Variants in SCGN observed in about 807,000 individuals in gnomAD.
SCGN encodes secretagogin.
A neutral mutation model predicts 39.7 loss-of-function variants in SCGN; 30 were observed. That is an observed-to-expected ratio of 0.76 (90% confidence interval 0.57 to 1.03). The LOEUF is 1.03. Ranked by LOEUF, SCGN falls within the 50% of genes least tolerant of loss-of-function variation. The probability of loss-of-function intolerance (pLI) is 0.00; values close to 1 mark genes in which losing one functional copy is unlikely to be tolerated. For synonymous variants in SCGN, 106 were observed against 114.1 expected, an observed-to-expected ratio of 0.93 and a Z score of 0.45; for missense variants, 353 against 349.4, an observed-to-expected ratio of 1.01 and a Z score of -0.08.
chr6:25,678,916 C>T (rs925202971), intron 6 of SCGN: 3 of 153,618 alleles, frequency 2.0e-5, no homozygotes, highest in East Asian at 1.9e-4. Flanking sequence ...GGTGCATCAT[C>T]TGGCAGCTTG....
Position 25,661,533 on chromosome 6 carries a change from T to C in SCGN, c.154-19T>C. The C allele has an allele frequency of 6.3e-7, 1 of 1,582,420 alleles. No individual in the cohort carries two copies. Among genetic ancestry groups the C allele is most frequent in the Non-Finnish European group, 8.7e-7 (1 of 1,151,794 alleles). On this transcript the variant is annotated intron_variant, in intron 2 of 10. Coordinates refer to ENST00000377961, the MANE Select transcript of SCGN (RefSeq NM_006998.4). ...GAGATTCCAGTGGCTTTAATGTGGC[T>C]CTGTTTGGTCAATTGCAGGACACGG...
At chr6:25,674,497 T>C (rs13217586) in intron 6 of SCGN, among the ~76,000 whole-genome samples, 22,502 of 152,250 alleles carry the variant, frequency 0.15, 2,309 homozygotes, top group East Asian at 0.44. Context: ...TGAGCTCTCA[T>C]ACACCAAGCG....
At chr6:25,655,658 G>C (rs1001238355) in intron 2 of SCGN, among the ~76,000 whole-genome samples, 1 of 143,546 alleles carries the variant, frequency 7.0e-6, no homozygotes. Context: ...GTATGCCTGA[G>C]AATTATATTT....
At chr6:25,668,018 G>A (rs1759416653) in intron 4 of SCGN, among the ~76,000 whole-genome samples, 1 of 152,164 alleles carries the variant, frequency 6.6e-6, no homozygotes, top group Non-Finnish European at 1.5e-5. Context: ...TAAATGACAG[G>A]TTCTGGAAGG....
chr6:25,684,708 G>C (rs112047343), intron 7 of SCGN, among the ~76,000 whole-genome samples: 1 of 152,092 alleles, frequency 6.6e-6, no homozygotes. Context: ...TCTTCAAGAG[G>C]CTCAGGCAGG....
At chr6:25,662,335 A>G (rs2151377764) in intron 3 of SCGN, among the ~76,000 whole-genome samples, 1 of 152,310 alleles carries the variant, frequency 6.6e-6, no homozygotes, top group South Asian at 2.1e-4. Flanking sequence ...GCTGATAAGG[A>G]CTTGAGTTAC....
intron 6 of SCGN, among the ~76,000 whole-genome samples, chr6:25,677,901 T>TA (rs1463344077): frequency 6.6e-6 from 1 of 152,232 alleles, no homozygotes; most frequent in Non-Finnish European, 1.5e-5. Flanking sequence ...ATCTATTGTT[T>TA]AAGAAAATAT....
chr6:25,676,859 A>G (rs549241953), intron 6 of SCGN, among the ~76,000 whole-genome samples: 12 of 152,348 alleles, frequency 7.9e-5, no homozygotes, highest in Admixed American at 6.5e-4. Context: ...TGCCTGCCAC[A>G]TAGTAGGCAC....
rs1005433638 is a variant in SCGN at position 25,652,313 on chromosome 6, A to C, written c.-91A>C. 1 of 966,334 alleles carries C rather than the reference A, an allele frequency of 1.0e-6. No homozygotes were observed. Among genetic ancestry groups the C allele is most frequent in the African/African-American group, 1.6e-5 (1 of 61,714 alleles). The allele number at this position is 966,334 out of a possible 1,614,324, so 59.9% of individuals were successfully genotyped here. The stretch of plus-strand genomic sequence containing the variant: ...AAGCTAATCAGATAGCGAAAGAAGC[A>C]GGAGAGCAAGTCAAGAAATACGGTG... On this transcript the variant is annotated 5_prime_UTR_variant, in exon 1 of 11. Transcript: ENST00000377961.
intron 7 of SCGN, among the ~76,000 whole-genome samples, chr6:25,688,963 G>A (rs555635711): frequency 2.6e-5 from 4 of 152,170 alleles, no homozygotes; most frequent in African/African-American, 9.6e-5. Context: ...CCACTAAGAT[G>A]AACTTTTAAA....
chr6:25,699,682 G>T, intron 10 of SCGN, among the ~76,000 whole-genome samples: 1 of 151,918 alleles, frequency 6.6e-6, no homozygotes, highest in East Asian at 1.9e-4. Context: ...AAGGGGGTTT[G>T]GATTTTACAA....
intron 3 of SCGN, among the ~76,000 whole-genome samples, chr6:25,663,874 T>C (rs561659535): frequency 6.6e-6 from 1 of 152,256 alleles, no homozygotes; most frequent in East Asian, 1.9e-4. Flanking sequence ...TTAGAAAATA[T>C]GAATGAGAAT....
intron 10 of SCGN, 22 bp from the exon 11 acceptor site, chr6:25,701,185 A>C: frequency 6.2e-7 from 1 of 1,600,764 alleles, no homozygotes; most frequent in South Asian, 1.1e-5. Context: ...GCCTGTTAAC[A>C]TGTTACTTTT....
intron 2 of SCGN, among the ~76,000 whole-genome samples, chr6:25,658,003 C>CTTTTTTTTTT (rs759915721): frequency 5.7e-5 from 4 of 70,394 alleles, no homozygotes; most frequent in East Asian, 4.8e-4. Flanking sequence ...GAAAGGTATC[C>CTTTTTTTTTT]TTTTTTTTTT....
At chr6:25,681,796 CT>C (rs1471061973) in intron 6 of SCGN, among the ~76,000 whole-genome samples, 154 bp from the exon 7 acceptor site, 1 of 152,196 alleles carries the variant, frequency 6.6e-6, no homozygotes, top group Non-Finnish European at 1.5e-5. Flanking sequence ...CATGCAATTC[CT>C]TCTGTGACAA....
Position 25,684,403 on chromosome 6 carries a change from G to C in SCGN, c.527+2397G>C, listed in dbSNP as rs1759677562. 2.0e-5 allele frequency among the ~76,000 whole-genome samples: 3 copies of C among 152,250 alleles called. No individual in the cohort carries two copies. The East Asian group carries it at 5.8e-4, about 29-fold the overall frequency. Reference sequence around the variant, plus strand: ...CCTCGGATGTTCAAGTCCCACAATTGGCCCTGAAGAACCCACAGATAGGGG... The same window carrying C: ...CCTCGGATGTTCAAGTCCCACAATTCGCCCTGAAGAACCCACAGATAGGGG... On this transcript the variant is annotated intron_variant, in intron 7 of 10. Transcript: ENST00000377961.
intron 9 of SCGN, among the ~76,000 whole-genome samples, chr6:25,690,518 G>T (rs1178536707): frequency 1.3e-5 from 2 of 152,050 alleles, no homozygotes; most frequent in African/African-American, 4.8e-5. Flanking sequence ...ATTTTAATAT[G>T]TATTGTATTT....
At chr6:25,677,680 A>G (rs1201800405) in intron 6 of SCGN, among the ~76,000 whole-genome samples, 1 of 152,212 alleles carries the variant, frequency 6.6e-6, no homozygotes, top group Non-Finnish European at 1.5e-5. Flanking sequence ...ATATGCTTGT[A>G]TGTTTAAAAA....
chr6:25,658,003 C>CTT (rs759915721), intron 2 of SCGN, among the ~76,000 whole-genome samples: 14 of 70,386 alleles, frequency 2.0e-4, no homozygotes, highest in East Asian at 4.8e-4. Context: ...GAAAGGTATC[C>CTT]TTTTTTTTTT....
Sources: allele counts gnomAD v4.1 joint callset (sites outside exome capture counted in the v4.1 genomes callset), GRCh38; gene constraint gnomAD v4.1.1; transcripts MANE v1.5; gene names NCBI Gene and HGNC (gene_info 2026-07-23, HGNC 2026-07-21).